The following GABRA5 variants were observed in gnomAD, a reference collection of about 807,000 sequenced individuals.
The protein encoded by GABRA5 is gamma-aminobutyric acid type A receptor subunit alpha5.
Under a neutral mutation model 47.3 loss-of-function variants are expected in GABRA5, and 18 were observed. That is an observed-to-expected ratio of 0.38 (90% CI 0.26 to 0.56). The LOEUF (loss-of-function observed/expected upper bound fraction) is 0.56. Among genes scored for constraint, GABRA5 ranks in the 20% least tolerant of loss-of-function variants. The probability of loss-of-function intolerance (pLI) is 0.71; values close to 1 mark genes in which losing one functional copy is unlikely to be tolerated. For synonymous variants in GABRA5, 237 were observed against 229.3 expected (o/e 1.03, Z -0.30); for missense variants, 365 against 599.3 (o/e 0.61, Z 4.08).
At chr15:26,887,831 C>G (rs146217973) in intron 6 of GABRA5, among the ~76,000 whole-genome samples, 1 of 152,092 alleles carries the variant, frequency 6.6e-6, no homozygotes, top group Non-Finnish European at 1.5e-5. Flanking sequence ...CAGACTGATA[C>G]GTGTATTCAG....
chr15:26,940,047 C>A lies in GABRA5; in HGVS notation c.847C>A (p.Arg283=). The part of the protein sequence containing the change: ...ILSQVSFWLN[R]ESVPARTVFG... ...ATCACAGGTGTCCTTTTGGCTGAAC[C>A]GGGAATCAGTCCCAGCCAGGACAGT... is the stretch of plus-strand genomic sequence containing the variant. Residue 283 remains arginine (R), a synonymous_variant, in exon 9 of 11, where the codon CGG becomes AGG. Coordinates refer to ENST00000335625, the MANE Select transcript of GABRA5 (RefSeq NM_000810.4). 6.2e-7 allele frequency: 1 copy of A among 1,613,686 alleles called. No individual in the cohort carries two copies. The highest frequency in any genetic ancestry group is 8.5e-7 in the Non-Finnish European group (1 of 1,179,740).
At chr15:26,929,259 G>A (rs1894033993) in intron 7 of GABRA5, among the ~76,000 whole-genome samples, 1 of 152,196 alleles carries the variant, frequency 6.6e-6, no homozygotes, top group African/African-American at 2.4e-5. Flanking sequence ...TACAATGGGG[G>A]CAGGCACAGG....
At chr15:26,892,434 G>A (rs368432670) in intron 6 of GABRA5, among the ~76,000 whole-genome samples, 51 of 151,396 alleles carry the variant, frequency 3.4e-4, no homozygotes, top group Non-Finnish European at 7.4e-4. Flanking sequence ...GCCCAGCAGT[G>A]GGGGGGCTGC....
intron 9 of GABRA5, among the ~76,000 whole-genome samples, chr15:26,942,921 T>C (rs1265153062): frequency 6.6e-6 from 1 of 151,898 alleles, no homozygotes; most frequent in Admixed American, 6.5e-5. Context: ...TCGTCTCTAT[T>C]AAAAATACAG....
chr15:26,883,600 G>A lies in GABRA5; in HGVS notation c.497+43G>A, dbSNP rs1401125917. 5 of 1,426,692 alleles carry A rather than the reference G, an allele frequency of 3.5e-6. No individual in the cohort carries two copies. The highest frequency in any genetic ancestry group is 4.7e-6 in the Non-Finnish European group (5 of 1,062,912). The allele number at this position is 1,426,692 out of a possible 1,614,324, so 88.4% of individuals were successfully genotyped here. ...GCGGGCGGGGCCGGGGGACGGTGCG[G>A]GGCAGGCGCGGCTGCCCATCCTGCC... On this transcript the variant is annotated intron_variant, in intron 6 of 10. Coordinates refer to ENST00000335625, the MANE Select transcript of GABRA5 (RefSeq NM_000810.4). The surrounding 1 kb of genome is among the most constrained non-coding windows in gnomAD (Gnocchi z 4.8).
intron 3 of GABRA5, 74 bp from the exon 4 acceptor site, chr15:26,880,772 G>A: frequency 6.6e-7 from 1 of 1,522,350 alleles, no homozygotes; most frequent in East Asian, 2.3e-5. Context: ...GTGACTCCCT[G>A]GTTTCTGTAT....
At chr15:26,899,849 C>T (rs940216877) in intron 6 of GABRA5, among the ~76,000 whole-genome samples, 5 of 152,008 alleles carry the variant, frequency 3.3e-5, no homozygotes, top group African/African-American at 1.2e-4. Context: ...TCTGCCAATA[C>T]CTGCCTTTTA....
At chr15:26,938,838 A>G (rs1168962531) in intron 8 of GABRA5, among the ~76,000 whole-genome samples, 3 of 152,230 alleles carry the variant, frequency 2.0e-5, no homozygotes, top group African/African-American at 7.2e-5. Context: ...CGTCTCCGAC[A>G]TATGCCATGT....
At chr15:26,945,925 C>A (rs1894499738) in intron 10 of GABRA5, among the ~76,000 whole-genome samples, 1 of 150,220 alleles carries the variant, frequency 6.7e-6, no homozygotes, top group Non-Finnish European at 1.5e-5. Context: ...AGAGATAGAA[C>A]CATTCTAAGC....
At chr15:26,871,521 C>T (rs972186884) in intron 3 of GABRA5, among the ~76,000 whole-genome samples, 1 of 152,108 alleles carries the variant, frequency 6.6e-6, no homozygotes, top group Non-Finnish European at 1.5e-5. Context: ...GGCCAGTAAT[C>T]CATCATAAAA....
At chr15:26,928,374 C>A (rs1227821608) in intron 7 of GABRA5, among the ~76,000 whole-genome samples, 1 of 152,178 alleles carries the variant, frequency 6.6e-6, no homozygotes, top group African/African-American at 2.4e-5. Flanking sequence ...GTTGTAGAAA[C>A]ATACTGAAGT....
chr15:26,914,865 G>A lies in GABRA5; in HGVS notation c.560G>A (p.Cys187Tyr). Residue 187 changes from cysteine to tyrosine, a missense_variant, in exon 7 of 11, where the codon TGC becomes TAC. By Grantham distance (194) the Cys-to-Tyr change is radical (BLOSUM62 -2). Transcript: ENST00000335625. ...GACTTCCCGATGGATGCGCACGCTT[G>A]CCCTCTGAAATTTGGCAGCTGTAAG... ...LEDFPMDAHA[C>Y]PLKFGSYAYP... 1 of 1,613,930 alleles carries A rather than the reference G, an allele frequency of 6.2e-7. No individual in the cohort carries two copies. Among genetic ancestry groups the A allele is most frequent in the Non-Finnish European group, 8.5e-7 (1 of 1,179,810 alleles).
At position 26,908,117 on chromosome 15, in the gene GABRA5, C is replaced by A. The variant is rs575426640; in HGVS notation, c.498-6686C>A. Among the ~76,000 whole-genome samples, 8 of 152,266 alleles carry A rather than the reference C, an allele frequency of 5.3e-5. No homozygotes were observed. The South Asian group carries it at 1.7e-3, about 32-fold the overall frequency. ...ATATATATGTATGTATGTATTTATACACTTGTATGCATGCATATGTATTTC... is the reference window on the plus strand; with the variant it reads ...ATATATATGTATGTATGTATTTATAAACTTGTATGCATGCATATGTATTTC... On this transcript the variant is annotated intron_variant, in intron 6 of 10. Transcript: ENST00000335625.
At chr15:26,911,173 A>ATT (rs1893574620) in intron 6 of GABRA5, among the ~76,000 whole-genome samples, 1 of 151,390 alleles carries the variant, frequency 6.6e-6, no homozygotes, top group Admixed American at 6.6e-5. Context: ...GAGGTTTAGA[A>ATT]TTCTAAGGGG....
intron 6 of GABRA5, among the ~76,000 whole-genome samples, chr15:26,889,188 C>T (rs1346477776): frequency 6.6e-6 from 1 of 152,208 alleles, no homozygotes; most frequent in African/African-American, 2.4e-5. Flanking sequence ...TGATTGCTTA[C>T]ACTCCACTCC....
chr15:26,873,553 G>A (rs73363963), intron 3 of GABRA5, among the ~76,000 whole-genome samples: 1 of 152,204 alleles, frequency 6.6e-6, no homozygotes. Flanking sequence ...ACACAAGTGT[G>A]CCAGTGTGGA....
rs141309877 is a variant in GABRA5 at position 26,919,650 on chromosome 15, C to A, written c.580+4765C>A. Reference sequence around the variant, plus strand: ...AAAAGTGACTTATTCATCACTGTTACAATAATACAGTATTCTTTATTTGTC... The same window carrying A: ...AAAAGTGACTTATTCATCACTGTTAAAATAATACAGTATTCTTTATTTGTC... On this transcript the variant is annotated intron_variant, in intron 7 of 10. Transcript: ENST00000335625. Among the ~76,000 whole-genome samples the A allele has an allele frequency of 3.3e-4, 50 of 152,084 alleles. 2 individuals carry two copies. The East Asian group carries it at 9.1e-3, about 28-fold the overall frequency.
intron 6 of GABRA5, among the ~76,000 whole-genome samples, chr15:26,885,132 T>C (rs549342994): frequency 3.3e-5 from 5 of 151,456 alleles, no homozygotes; most frequent in African/African-American, 9.7e-5. Context: ...CCGTCTCTAC[T>C]AAAAAAAATA....
At chr15:26,893,865 C>T (rs1033279409) in intron 6 of GABRA5, among the ~76,000 whole-genome samples, 1 of 152,062 alleles carries the variant, frequency 6.6e-6, no homozygotes, top group Non-Finnish European at 1.5e-5. Flanking sequence ...CGTCAGAGTG[C>T]AAGATGTGAG....
Sources: allele counts gnomAD v4.1 joint callset (sites outside exome capture counted in the v4.1 genomes callset), GRCh38; gene constraint gnomAD v4.1.1; non-coding constraint Gnocchi (gnomAD v3.1); transcripts MANE v1.5; gene names NCBI Gene and HGNC (gene_info 2026-07-23, HGNC 2026-07-21).